DROSHA: variants seen among roughly 807,000 people sequenced by gnomAD.
DROSHA encodes the protein ribonuclease 3.
A neutral mutation model predicts 181.9 loss-of-function variants in DROSHA; 56 were observed. That is an observed-to-expected ratio of 0.31 (90% CI 0.25 to 0.38). The LOEUF (loss-of-function observed/expected upper bound fraction) is 0.38. DROSHA is among the 10% of genes least tolerant of loss of function. The probability of loss-of-function intolerance (pLI) is 1.00; values close to 1 mark genes in which losing one functional copy is unlikely to be tolerated. For missense variants in DROSHA, 1,218 were observed against 1,743.5 expected, an observed-to-expected ratio of 0.70 and a Z score of 5.37; for synonymous variants, 524 against 591.2, an observed-to-expected ratio of 0.89 and a Z score of 1.65.
Position 31,401,404 on chromosome 5 carries a change from T to A in DROSHA, c.*28A>T. On this transcript the variant is annotated 3_prime_UTR_variant, in exon 36 of 36. Coordinates refer to ENST00000344624, the MANE Select transcript of DROSHA (RefSeq NM_001382508.1). ...ACAACAGTCACAGTTACTGAGCAAG[T>A]AAATACTCCACACTTGCATGCCCTC... The A allele has an allele frequency of 6.2e-7, 1 of 1,606,306 alleles. No individual in the cohort carries two copies. Among genetic ancestry groups the A allele is most frequent in the Non-Finnish European group, 8.5e-7 (1 of 1,174,876 alleles).
intron 13 of DROSHA, among the ~76,000 whole-genome samples, chr5:31,491,215 G>T (rs1195616542): frequency 6.9e-6 from 1 of 145,638 alleles, no homozygotes; most frequent in Non-Finnish European, 1.5e-5. Context: ...TTCAAAGAAA[G>T]ATTCAAACCC....
intron 25 of DROSHA, among the ~76,000 whole-genome samples, chr5:31,432,008 A>T (rs1488589695): frequency 3.3e-5 from 5 of 152,232 alleles, no homozygotes; most frequent in Admixed American, 3.3e-4. Flanking sequence ...CTCTGCTACA[A>T]GCCCCTGGGT....
chr5:31,495,147 A>C (rs1051440472), intron 12 of DROSHA, 139 bp downstream of exon 12: 2 of 933,882 alleles, frequency 2.1e-6, no homozygotes, highest in Non-Finnish European at 3.2e-6. Context: ...TCATCGTGAG[A>C]AAGGCCAATT....
intron 10 of DROSHA, among the ~76,000 whole-genome samples, chr5:31,506,973 G>T (rs188111190): frequency 1.3e-5 from 2 of 152,236 alleles, no homozygotes; most frequent in Admixed American, 1.3e-4. Flanking sequence ...GGTATCCACG[G>T]AAATCAGTGT....
intron 25 of DROSHA, among the ~76,000 whole-genome samples, chr5:31,432,344 C>A (rs1484367614): frequency 6.6e-6 from 1 of 152,090 alleles, no homozygotes; most frequent in Non-Finnish European, 1.5e-5. Flanking sequence ...GTTGGCCAGG[C>A]TGGTCTCAAA....
intron 11 of DROSHA, among the ~76,000 whole-genome samples, chr5:31,500,574 T>C (rs114882837): frequency 1.7e-3 from 264 of 152,260 alleles, no homozygotes; most frequent in African/African-American, 6.1e-3. Flanking sequence ...AGCTGGAAAA[T>C]ATGCCAAATA....
intron 27 of DROSHA, among the ~76,000 whole-genome samples, chr5:31,426,529 TC>T (rs1458151153): frequency 1.3e-5 from 2 of 152,144 alleles, no homozygotes. Flanking sequence ...AGATAAAGCT[TC>T]AAAGAGGAGA....
intron 27 of DROSHA, among the ~76,000 whole-genome samples, chr5:31,427,283 C>T (rs1743593632): frequency 6.6e-6 from 1 of 152,038 alleles, no homozygotes; most frequent in African/African-American, 2.4e-5. Context: ...TCTAAGCGGG[C>T]CATTAACATA....
At chr5:31,507,103 C>CTAG (rs1409108148) in intron 10 of DROSHA, among the ~76,000 whole-genome samples, 1 of 151,668 alleles carries the variant, frequency 6.6e-6, no homozygotes, top group African/African-American at 2.4e-5. Context: ...CTGCTTGAGC[C>CTAG]TAGGAGTTTG....
Position 31,530,630 on chromosome 5 carries a change from CA to C in DROSHA, c.-47+167del, listed in dbSNP as rs34124311. ...GGGCAACAAGAGCGAAACTCTAGCT[CA>C]AAAAAAAAAAAAAAAAAAAATCTCC... On this transcript the variant is annotated intron_variant, in intron 3 of 35. Transcript: ENST00000344624. Among the ~76,000 whole-genome samples, 492 of 112,626 alleles carry C rather than the reference CA, an allele frequency of 4.4e-3. 4 individuals carry two copies. Among genetic ancestry groups the C allele is most frequent in the African/African-American group, 0.015 (414 of 27,404 alleles). The allele number at this position is 112,626 out of a possible 152,430, so 73.9% of individuals were successfully genotyped here. A position where few individuals can be genotyped will look rare whatever the true frequency, so the allele number is the denominator to read the frequency against.
rs770860452 is a variant in DROSHA, at chr5:31,526,443, C to T, written c.490G>A (p.Val164Ile). ...PPPPPVMPQQVNYQYPPGYSH... is the reference protein window; with the variant it reads ...PPPPPVMPQQINYQYPPGYSH... ...TAGCCCGGAGGGTACTGATAATTAACCTGCTGCGGCATGACTGGAGGGGGC... is the reference window on the plus strand; with the variant it reads ...TAGCCCGGAGGGTACTGATAATTAATCTGCTGCGGCATGACTGGAGGGGGC... The change falls in exon 5 of 36, where the codon GTT becomes ATT. Residue 164 changes from valine to isoleucine, a missense_variant. Around this residue, in one of 8 missense-constraint regions of DROSHA, gnomAD observed 536 missense variants for 535.4 expected, o/e 1.00. Transcript: ENST00000344624. The T allele has an allele frequency of 3.7e-6, 6 of 1,611,884 alleles. No individual in the cohort carries two copies. Among genetic ancestry groups the T allele is most frequent in the Non-Finnish European group, 5.1e-6 (6 of 1,179,284 alleles).
chr5:31,490,448 A>G (rs182088162), intron 13 of DROSHA, among the ~76,000 whole-genome samples: 156 of 152,274 alleles, frequency 1.0e-3, no homozygotes, highest in Admixed American at 2.5e-3. Context: ...CCAGGATTAC[A>G]GGTGTGAGCC....
rs201941876 is a variant in DROSHA at position 31,493,936 on chromosome 5, ATTGTGTGTGTGT to A, written c.1756-655_1756-644del. ...CCTTATGCCATTCTTATAACCCACC[ATTGTGTGTGTGT>A]GTGTGTGTGTGTGTGTGTGTGTGTG... On this transcript the variant is annotated intron_variant, in intron 12 of 35. Coordinates refer to ENST00000344624, the MANE Select transcript of DROSHA (RefSeq NM_001382508.1). Among the ~76,000 whole-genome samples the A allele has an allele frequency of 3.2e-4, 41 of 127,710 alleles. No homozygotes were observed. In the East Asian group the frequency reaches 4.1e-3, roughly 13 times the overall value. The allele number at this position is 127,710 out of a possible 152,430, so 83.8% of individuals were successfully genotyped here. A position where few individuals can be genotyped will look rare whatever the true frequency, so the allele number is the denominator to read the frequency against.
chr5:31,511,367 C>T (rs1166346433), intron 8 of DROSHA, among the ~76,000 whole-genome samples, 191 bp from the exon 9 acceptor site: 5 of 152,142 alleles, frequency 3.3e-5, no homozygotes, highest in Admixed American at 1.3e-4. Context: ...ACACACTTAT[C>T]GCTGACACAG....
At chr5:31,402,486 CTT>C (rs1189551042) in intron 35 of DROSHA, among the ~76,000 whole-genome samples, 1 of 151,790 alleles carries the variant, frequency 6.6e-6, no homozygotes, top group Non-Finnish European at 1.5e-5. Context: ...TATTGTTAAT[CTT>C]TTTCTGTGCC....
In DROSHA at chr5:31,431,583, C is replaced by G. The variant is rs768254802; in HGVS notation, c.3138G>C (p.Ala1046=). The G allele has an allele frequency of 2.1e-5, 34 of 1,613,660 alleles. No homozygotes were observed. The South Asian group carries it at 3.0e-4, about 14-fold the overall frequency. Residue 1046 remains alanine, a synonymous_variant, in exon 26 of 36, where the codon GCG becomes GCC. Coordinates refer to ENST00000344624, the MANE Select transcript of DROSHA (RefSeq NM_001382508.1). ...GAAGAAGAGAGAAATTACCTATTAA[C>G]GCTTCAAAACAATTGGCCATTGCAT... The part of the protein sequence containing the change: ...LRHAMANCFE[A]LIGAVYLEGS...
At chr5:31,427,193 G>A (rs192234676) in intron 27 of DROSHA, among the ~76,000 whole-genome samples, 60 of 152,232 alleles carry the variant, frequency 3.9e-4, no homozygotes, top group African/African-American at 1.1e-3. Flanking sequence ...CTGAGTCAGA[G>A]GTACTGGGAC....
intron 16 of DROSHA, among the ~76,000 whole-genome samples, chr5:31,474,515 AC>A (rs1750134103): frequency 6.6e-6 from 1 of 152,000 alleles, no homozygotes; most frequent in African/African-American, 2.4e-5. Flanking sequence ...GGCTTGTGCC[AC>A]CAGGCCTGGC....
intron 23 of DROSHA, among the ~76,000 whole-genome samples, chr5:31,445,209 C>G (rs554115516): frequency 7.2e-5 from 11 of 152,312 alleles, no homozygotes; most frequent in African/African-American, 2.6e-4. Flanking sequence ...CCTGCTGTAC[C>G]TCACACACAA....
Sources: gnomAD v4.1 joint callset for allele counts (sites outside exome capture counted in the v4.1 genomes callset) on GRCh38, gnomAD v4.1.1 for gene constraint, gnomAD v4.1.1 regional missense constraint, MANE v1.5 for transcripts, NCBI Gene and HGNC (gene_info 2026-07-23, HGNC 2026-07-21) for gene names.